The following PDE4D variants were observed in gnomAD, a reference collection of about 807,000 sequenced individuals.
PDE4D encodes the protein phosphodiesterase 4D.
PDE4D carries 24 observed loss-of-function variants against 87.4 expected under a neutral mutation model. The observed-to-expected ratio is 0.27, with a 90% confidence interval of 0.20 to 0.39. PDE4D has a LOEUF of 0.39. Ranked by LOEUF, PDE4D falls within the 10% of genes least tolerant of loss-of-function variation. PDE4D has a pLI of 1.00. For missense variants in PDE4D, 714 were observed against 1,041.0 expected (o/e 0.69, Z 4.32); for synonymous variants, 384 against 383.2 (o/e 1.00, Z -0.02).
intron 1 of PDE4D, among the ~76,000 whole-genome samples, chr5:59,613,994 C>A (rs1829337812): frequency 6.6e-6 from 1 of 151,818 alleles, no homozygotes; most frequent in African/African-American, 2.4e-5. Context: ...AATTTTTTTA[C>A]AAAAAAATTT....
At chr5:60,242,268 G>A (rs1021624441) in intron 1 of PDE4D, among the ~76,000 whole-genome samples, 2 of 152,082 alleles carry the variant, frequency 1.3e-5, no homozygotes, top group Admixed American at 6.6e-5. Context: ...TTCAATTCAG[G>A]AAGAGGGTAT....
At chr5:60,435,724 T>C (rs1744707041) in intron 1 of PDE4D, among the ~76,000 whole-genome samples, 1 of 152,118 alleles carries the variant, frequency 6.6e-6, no homozygotes, top group Admixed American at 6.5e-5. Flanking sequence ...CTTAGAAGTC[T>C]ATGGAGTATG....
chr5:59,791,793 T>G (rs1188502740), intron 1 of PDE4D, among the ~76,000 whole-genome samples: 1 of 152,212 alleles, frequency 6.6e-6, no homozygotes, highest in Non-Finnish European at 1.5e-5. Flanking sequence ...ATTCAAGTGC[T>G]GCTTCTGCCA....
intron 1 of PDE4D, among the ~76,000 whole-genome samples, chr5:59,801,193 C>T (rs2152665624): frequency 1.3e-5 from 2 of 152,276 alleles, no homozygotes; most frequent in Middle Eastern, 6.8e-3. Flanking sequence ...TGAAGTTTAT[C>T]AATCTAGGAA....
At chr5:59,743,528 C>A (rs568959304) in intron 1 of PDE4D, among the ~76,000 whole-genome samples, 15 of 152,064 alleles carry the variant, frequency 9.9e-5, no homozygotes, top group South Asian at 8.3e-4. Context: ...AACACACACA[C>A]ACACGTAAGT....
intron 5 of PDE4D, among the ~76,000 whole-genome samples, chr5:59,109,179 T>A (rs990235962): frequency 6.6e-6 from 1 of 152,022 alleles, no homozygotes; most frequent in African/African-American, 2.4e-5. Context: ...AAAAACACTA[T>A]CTAAAGGGGC....
At chr5:58,991,275 C>T (rs531108469) in intron 8 of PDE4D, among the ~76,000 whole-genome samples, 41 of 141,376 alleles carry the variant, frequency 2.9e-4, no homozygotes, top group Admixed American at 1.3e-3. Context: ...GGTGACAGGG[C>T]GAGACTATGT....
At chr5:59,798,495 C>T (rs542686029) in intron 1 of PDE4D, among the ~76,000 whole-genome samples, 54 of 152,064 alleles carry the variant, frequency 3.6e-4, no homozygotes, top group African/African-American at 1.2e-3. Flanking sequence ...GCAGGAGAGA[C>T]GTAAAGCACT....
intron 6 of PDE4D, among the ~76,000 whole-genome samples, chr5:59,021,475 A>C (rs923500889): frequency 3.3e-5 from 5 of 152,218 alleles, no homozygotes. Flanking sequence ...ATATGGCAGC[A>C]TATAAAGTTG....
chr5:59,799,322 T>G (rs1766853302), intron 1 of PDE4D, among the ~76,000 whole-genome samples: 1 of 152,186 alleles, frequency 6.6e-6, no homozygotes, highest in South Asian at 2.1e-4. Flanking sequence ...TATAAATGCT[T>G]ATGTGTAATG....
intron 1 of PDE4D, among the ~76,000 whole-genome samples, chr5:59,773,746 A>G (rs1372251790): frequency 6.6e-6 from 1 of 152,216 alleles, no homozygotes; most frequent in African/African-American, 2.4e-5. Context: ...TGATAAAGTT[A>G]TATCATCCCC....
intron 6 of PDE4D, among the ~76,000 whole-genome samples, chr5:59,006,725 A>G (rs1204512010): frequency 3.3e-5 from 5 of 152,220 alleles, no homozygotes; most frequent in Non-Finnish European, 5.9e-5. Context: ...AGCAATTAAC[A>G]ATCTTTTTGA....
intron 5 of PDE4D, among the ~76,000 whole-genome samples, chr5:59,140,099 AT>A (rs1157700132): frequency 6.6e-6 from 1 of 152,242 alleles, no homozygotes; most frequent in Admixed American, 6.5e-5. Context: ...ATAGTATCAC[AT>A]TTCTAAACTT....
chr5:60,126,258 T>C (rs1178194964), intron 2 of PDE4D, among the ~76,000 whole-genome samples: 4 of 148,502 alleles, frequency 2.7e-5, no homozygotes, highest in Non-Finnish European at 5.9e-5. Flanking sequence ...CTTCAGACAA[T>C]AAAAACCAAA....
intron 1 of PDE4D, among the ~76,000 whole-genome samples, chr5:59,756,010 T>C (rs994448282): frequency 6.6e-5 from 10 of 151,350 alleles, no homozygotes; most frequent in Non-Finnish European, 1.2e-4. Flanking sequence ...ATATATATAA[T>C]ATTTAACTGT....
At chr5:59,926,225 C>A (rs186520937) in intron 3 of PDE4D, among the ~76,000 whole-genome samples, 1 of 152,040 alleles carries the variant, frequency 6.6e-6, no homozygotes, top group Admixed American at 6.5e-5. Flanking sequence ...GGAAACTAAA[C>A]AAACACATAG....
At chr5:60,050,491 A>AT (rs1172646745) in intron 2 of PDE4D, among the ~76,000 whole-genome samples, 1 of 152,186 alleles carries the variant, frequency 6.6e-6, no homozygotes, top group Admixed American at 6.6e-5. Flanking sequence ...ATCCTGAGAG[A>AT]TTTTGTCACC....
At chr5:60,306,291 A>G (rs953412999) in intron 1 of PDE4D, among the ~76,000 whole-genome samples, 1 of 152,076 alleles carries the variant, frequency 6.6e-6, no homozygotes, top group African/African-American at 2.4e-5. Context: ...CAACTGAAAA[A>G]TCTATATAAA....
At chr5:59,162,871 T>TAAAAA (rs1781339094) in intron 5 of PDE4D, among the ~76,000 whole-genome samples, 1 of 90,422 alleles carries the variant, frequency 1.1e-5, no homozygotes, top group Non-Finnish European at 2.4e-5. Flanking sequence ...AAAAAAATTG[T>TAAAAA]AATTAAATCT....
Sources: gnomAD v4.1 joint callset for allele counts (sites outside exome capture counted in the v4.1 genomes callset) on GRCh38, gnomAD v4.1.1 for gene constraint, MANE v1.5 for transcripts, NCBI Gene and HGNC (gene_info 2026-07-23, HGNC 2026-07-21) for gene names.